The following SORCS3 variants were observed in gnomAD, a reference collection of about 807,000 sequenced individuals.
The protein encoded by SORCS3 is VPS10 domain-containing receptor SorCS3.
SORCS3 carries 57 observed loss-of-function variants against 146.3 expected under a neutral mutation model. The ratio of observed to expected loss-of-function variants is 0.39; its 90% CI spans 0.31 to 0.49. SORCS3 has a LOEUF of 0.49. Among genes scored for constraint, SORCS3 ranks in the 20% least tolerant of loss-of-function variants. The pLI, the probability that SORCS3 is intolerant of heterozygous loss-of-function variation, is 0.92. For missense variants in SORCS3, 1,341 were observed against 1,575.5 expected, an observed-to-expected ratio of 0.85 and a Z score of 2.52; for synonymous variants, 653 against 618.5, an observed-to-expected ratio of 1.06 and a Z score of -0.83.
chr10:105,056,931 A>G (rs1454559480), intron 5 of SORCS3, among the ~76,000 whole-genome samples: 1 of 152,202 alleles, frequency 6.6e-6, no homozygotes, highest in African/African-American at 2.4e-5. Context: ...ACTATTTTAC[A>G]TCTTTTAAAA....
Position 105,178,853 on chromosome 10 carries a change from G to A in SORCS3, c.2009+680G>A, listed in dbSNP as rs796540180. ...ACACCTCAGCTCTTCACTGGACAGA[G>A]TGGAGTCTTGTTGGGCAAAATTAAG... is the stretch of plus-strand genomic sequence containing the variant. On this transcript the variant is annotated intron_variant, in intron 14 of 26. Coordinates refer to ENST00000369701, the MANE Select transcript of SORCS3 (RefSeq NM_014978.3). Among the ~76,000 whole-genome samples the A allele has an allele frequency of 2.6e-5, 4 of 152,166 alleles. No individual in the cohort carries two copies. The South Asian group carries it at 8.3e-4, about 32-fold the overall frequency.
At chr10:104,866,871 T>C (rs547198946) in intron 2 of SORCS3, among the ~76,000 whole-genome samples, 1 of 152,354 alleles carries the variant, frequency 6.6e-6, no homozygotes, top group East Asian at 1.9e-4. Flanking sequence ...TGGTTCTGTA[T>C]ACTTTTTAAT....
At chr10:104,763,384 T>G (rs2017144099) in intron 1 of SORCS3, among the ~76,000 whole-genome samples, 1 of 152,236 alleles carries the variant, frequency 6.6e-6, no homozygotes, top group South Asian at 2.1e-4. Flanking sequence ...GTGAGAAGAT[T>G]TAGTACAGAG....
intron 8 of SORCS3, among the ~76,000 whole-genome samples, chr10:105,147,101 G>C (rs1486951034): frequency 1.3e-5 from 2 of 152,024 alleles, no homozygotes; most frequent in Non-Finnish European, 2.9e-5. Flanking sequence ...AATATTTTCT[G>C]CTCTGATTGA....
intron 1 of SORCS3, among the ~76,000 whole-genome samples, chr10:104,683,414 TC>T (rs2016003413): frequency 6.6e-6 from 1 of 152,172 alleles, no homozygotes; most frequent in Non-Finnish European, 1.5e-5. Context: ...TCATAATTGT[TC>T]TTTATGGGGA....
At position 105,000,859 on chromosome 10, in the gene SORCS3, T is replaced by C. The variant is rs75491080; in HGVS notation, c.954+23366T>C. Among the ~76,000 whole-genome samples, 1,469 of 152,304 alleles carry C rather than the reference T, an allele frequency of 9.6e-3. 12 individuals are homozygous for C. Among genetic ancestry groups the C allele is most frequent in the Middle Eastern group, 0.054 (16 of 294 alleles). ...TAAAGATAAGTGTCTTTTCCTTATGTAGGTATTATCACTCACCCATCAGTT... is the reference window on the plus strand; with the variant it reads ...TAAAGATAAGTGTCTTTTCCTTATGCAGGTATTATCACTCACCCATCAGTT... On this transcript the variant is annotated intron_variant, in intron 4 of 26. Coordinates refer to ENST00000369701, the MANE Select transcript of SORCS3 (RefSeq NM_014978.3).
At chr10:105,076,252 G>A (rs2055588130) in intron 5 of SORCS3, among the ~76,000 whole-genome samples, 1 of 152,156 alleles carries the variant, frequency 6.6e-6, no homozygotes. Context: ...TGATACCAAA[G>A]CTCCTCTCTG....
At chr10:104,754,522 A>G (rs7901568) in intron 1 of SORCS3, among the ~76,000 whole-genome samples, 11 of 151,788 alleles carry the variant, frequency 7.2e-5, no homozygotes, top group African/African-American at 1.2e-4. Flanking sequence ...ATAGGGGGGG[A>G]AAAACTTTAC....
At chr10:104,886,651 A>T (rs2018691611) in intron 2 of SORCS3, among the ~76,000 whole-genome samples, 1 of 152,060 alleles carries the variant, frequency 6.6e-6, no homozygotes, top group Non-Finnish European at 1.5e-5. Flanking sequence ...ATATTTCTTT[A>T]GGTGGGAGCC....
At chr10:104,901,099 A>G (rs1329072455) in intron 2 of SORCS3, among the ~76,000 whole-genome samples, 2 of 152,126 alleles carry the variant, frequency 1.3e-5, no homozygotes, top group East Asian at 3.9e-4. Context: ...CTCTATCACT[A>G]ATAAATGTCA....
chr10:105,139,480 G>A lies in SORCS3; in HGVS notation c.1296G>A (p.Leu432=). Residue 432 remains leucine (L), a synonymous_variant, in exon 8 of 27, where the codon TTG becomes TTA. Transcript: ENST00000369701. ...FAQIKLPKYS[L]PKDMHIISTD... is the part of the protein sequence containing the mutation. ...AGATAAAGCTGCCTAAGTACTCGTT[G>A]CCAAAGGTACTGCATGCACCACTAG... 2 of 1,613,128 alleles carry A rather than the reference G, an allele frequency of 1.2e-6. No individual in the cohort carries two copies. Among genetic ancestry groups the A allele is most frequent in the South Asian group, 1.1e-5 (1 of 91,008 alleles).
At chr10:104,837,388 C>T (rs1360200438) in intron 1 of SORCS3, among the ~76,000 whole-genome samples, 1 of 152,200 alleles carries the variant, frequency 6.6e-6, no homozygotes, top group East Asian at 1.9e-4. Flanking sequence ...TACACACACA[C>T]ATATAGAGAC....
At chr10:104,705,816 A>G (rs372461430) in intron 1 of SORCS3, among the ~76,000 whole-genome samples, 1 of 152,342 alleles carries the variant, frequency 6.6e-6, no homozygotes, top group South Asian at 2.1e-4. Context: ...TCGAGTGGAT[A>G]TTCAATAATT....
intron 5 of SORCS3, among the ~76,000 whole-genome samples, chr10:105,088,807 C>T (rs941655335): frequency 1.3e-5 from 2 of 152,228 alleles, no homozygotes; most frequent in African/African-American, 4.8e-5. Context: ...CAAGTATCAG[C>T]TCTTGGGTCT....
chr10:105,020,491 C>T (rs1275403380), intron 4 of SORCS3, among the ~76,000 whole-genome samples: 1 of 152,102 alleles, frequency 6.6e-6, no homozygotes, highest in African/African-American at 2.4e-5. Flanking sequence ...AGGTTTATGT[C>T]AGATGAATAT....
rs2056629734 is a variant in SORCS3 at position 105,210,987 on chromosome 10, A to C, written c.2262-150A>C. 7.3e-6 allele frequency: 4 copies of C among 549,208 alleles called. No homozygotes were observed. The Admixed American group carries it at 1.2e-4, about 16-fold the overall frequency. 34.0% of individuals were successfully genotyped at this position (549,208 alleles called of 1,614,324 possible). On this transcript the variant is annotated intron_variant, in intron 16 of 26. Transcript: ENST00000369701. ...ATAAAGCTAAAAGTTCATTTTCAAA[A>C]TATGAATATTTACCCTCACTGGGGA...
At chr10:104,844,605 G>A (rs79296384) in intron 2 of SORCS3, among the ~76,000 whole-genome samples, 6,443 of 152,246 alleles carry the variant, frequency 0.042, 191 homozygotes, top group Middle Eastern at 0.071. Context: ...CAGGATTGAA[G>A]TCCCAGTTTG....
chr10:104,658,231 T>G (rs1214789578), intron 1 of SORCS3, among the ~76,000 whole-genome samples: 1 of 152,176 alleles, frequency 6.6e-6, no homozygotes, highest in African/African-American at 2.4e-5. Context: ...AGTGGCAGAT[T>G]GAGGGATGCT....
intron 1 of SORCS3, among the ~76,000 whole-genome samples, chr10:104,820,835 G>A (rs2017864317): frequency 6.6e-6 from 1 of 152,158 alleles, no homozygotes; most frequent in East Asian, 1.9e-4. Context: ...TGCATCAACA[G>A]TCATATATAT....
Sources: gnomAD v4.1 joint callset for allele counts (sites outside exome capture counted in the v4.1 genomes callset) on GRCh38, gnomAD v4.1.1 for gene constraint, MANE v1.5 for transcripts, NCBI Gene and HGNC (gene_info 2026-07-23, HGNC 2026-07-21) for gene names.